TMPRSS7: variants seen among roughly 807,000 people sequenced by gnomAD.
TMPRSS7 encodes transmembrane serine protease 7, also known as transmembrane protease serine 7.
TMPRSS7 carries 81 observed loss-of-function variants against 95.6 expected under a neutral mutation model. That is an observed-to-expected ratio of 0.85 (90% CI 0.71 to 1.02). The LOEUF (loss-of-function observed/expected upper bound fraction) is 1.02. TMPRSS7 is among the 50% of genes least tolerant of loss of function. The pLI is 0.00. For synonymous variants in TMPRSS7, 364 were observed against 337.8 expected, an observed-to-expected ratio of 1.08 and a Z score of -0.85; for missense variants, 945 against 955.2, an observed-to-expected ratio of 0.99 and a Z score of 0.14.
At chr3:112,040,506 G>T (rs2107735970) in intron 2 of TMPRSS7, among the ~76,000 whole-genome samples, 1 of 152,246 alleles carries the variant, frequency 6.6e-6, no homozygotes, top group East Asian at 1.9e-4. Context: ...GAGCAGAGTG[G>T]TGAGCAAGAT....
intron 1 of TMPRSS7, among the ~76,000 whole-genome samples, chr3:112,037,516 T>C (rs1269768464): frequency 1.3e-5 from 2 of 152,206 alleles, no homozygotes; most frequent in East Asian, 3.9e-4. Context: ...TCATTAGCAA[T>C]GCTAGTTTCA....
At chr3:112,071,216 G>T (rs1053504348) in intron 13 of TMPRSS7, among the ~76,000 whole-genome samples, 4 of 152,138 alleles carry the variant, frequency 2.6e-5, no homozygotes, top group Non-Finnish European at 5.9e-5. Flanking sequence ...GCTTAGTTTG[G>T]CTGGATATGA....
chr3:112,039,068 A>G (rs1376097239), intron 2 of TMPRSS7, among the ~76,000 whole-genome samples: 1 of 152,198 alleles, frequency 6.6e-6, no homozygotes, highest in Non-Finnish European at 1.5e-5. Context: ...CATTTTGCAC[A>G]TGCATCTTTC....
At chr3:112,040,082 A>C (rs2107735729) in intron 2 of TMPRSS7, among the ~76,000 whole-genome samples, 1 of 152,014 alleles carries the variant, frequency 6.6e-6, no homozygotes, top group East Asian at 1.9e-4. Context: ...TTATGGGTAG[A>C]GAAACAGTTT....
chr3:112,064,277 C>T (rs1397166647), intron 12 of TMPRSS7, among the ~76,000 whole-genome samples: 1 of 152,208 alleles, frequency 6.6e-6, no homozygotes, highest in Admixed American at 6.5e-5. Flanking sequence ...GCTCTTTCAG[C>T]GTGCTCCTTT....
At chr3:112,048,497 C>T (rs895458635) in intron 7 of TMPRSS7, among the ~76,000 whole-genome samples, 1 of 152,136 alleles carries the variant, frequency 6.6e-6, no homozygotes, top group South Asian at 2.1e-4. Context: ...ATTACACACA[C>T]ATATACATAC....
At chr3:112,036,008 A>G in intron 1 of TMPRSS7, among the ~76,000 whole-genome samples, 1 of 152,194 alleles carries the variant, frequency 6.6e-6, no homozygotes, top group Admixed American at 6.5e-5. Context: ...CTATAAACCC[A>G]CAACCCTACA....
chr3:112,062,689 A>G (rs758223703), intron 11 of TMPRSS7, among the ~76,000 whole-genome samples: 30 of 152,224 alleles, frequency 2.0e-4, no homozygotes, highest in Non-Finnish European at 3.2e-4. Flanking sequence ...AGTCACAGGT[A>G]GATAAAGCAA....
chr3:112,074,376 G>C (rs747955696), exon 14 of TMPRSS7: 1 of 1,613,902 alleles, frequency 6.2e-7, no homozygotes, highest in Non-Finnish European at 8.5e-7. Flanking sequence ...TGATGGGACA[G>C]TGGATTGTCC....
At chr3:112,049,852 A>T in exon 8 of TMPRSS7, 1 of 1,514,338 alleles carries the variant, frequency 6.6e-7, no homozygotes, top group Non-Finnish European at 8.9e-7. Flanking sequence ...AGAATTTGTG[A>T]ACCCACAAGA....
intron 9 of TMPRSS7, among the ~76,000 whole-genome samples, chr3:112,054,682 A>G (rs1055497107): frequency 3.4e-5 from 5 of 145,210 alleles, no homozygotes; most frequent in Non-Finnish European, 7.5e-5. Context: ...TTCTTACATT[A>G]TAAGATTTAC....
intron 13 of TMPRSS7, among the ~76,000 whole-genome samples, chr3:112,070,171 G>C (rs1386702809): frequency 6.6e-6 from 1 of 152,186 alleles, no homozygotes; most frequent in African/African-American, 2.4e-5. Context: ...GATTTAATTT[G>C]ATTGCACTGT....
Position 112,080,894 on chromosome 3 carries a change from T to TA in TMPRSS7, c.2362-19dup. On this transcript the variant is annotated intron_variant, in intron 17 of 17. Transcript: ENST00000452346. ...TCATGGGACCAATTTACTTTATACT[T>TA]ACATTTTTTGTGTGTGTAGGGAGAT... The TA allele has an allele frequency of 6.2e-7, 1 of 1,602,302 alleles. No individual in the cohort carries two copies. Among genetic ancestry groups the TA allele is most frequent in the Middle Eastern group, 1.7e-4 (1 of 6,020 alleles).
At chr3:112,044,629 G>A (rs2073254308) in intron 4 of TMPRSS7, among the ~76,000 whole-genome samples, 1 of 152,144 alleles carries the variant, frequency 6.6e-6, no homozygotes, top group Non-Finnish European at 1.5e-5. Flanking sequence ...CAAAAATAAA[G>A]CACAGACCAT....
intron 13 of TMPRSS7, among the ~76,000 whole-genome samples, chr3:112,074,021 A>G (rs1032869631): frequency 6.6e-6 from 1 of 152,240 alleles, no homozygotes; most frequent in Admixed American, 6.5e-5. Context: ...GATATGTCGC[A>G]CTTCTTCATG....
chr3:112,079,882 T>C (rs1559965988), intron 17 of TMPRSS7, among the ~76,000 whole-genome samples: 1 of 152,190 alleles, frequency 6.6e-6, no homozygotes, highest in Non-Finnish European at 1.5e-5. Flanking sequence ...GTCATACAGC[T>C]AGTAAGTGTA....
chr3:112,073,696 T>C (rs1361290508), intron 13 of TMPRSS7, among the ~76,000 whole-genome samples: 1 of 152,232 alleles, frequency 6.6e-6, no homozygotes, highest in East Asian at 1.9e-4. Context: ...GGTTGCCTGT[T>C]CACTCTGATG....
intron 17 of TMPRSS7, among the ~76,000 whole-genome samples, chr3:112,079,282 A>C (rs1559965772): frequency 6.6e-6 from 1 of 152,224 alleles, no homozygotes; most frequent in East Asian, 1.9e-4. Context: ...GGTGACAAAG[A>C]ATACTCATTT....
chr3:112,071,653 T>A (rs1326471752), intron 13 of TMPRSS7, among the ~76,000 whole-genome samples: 1 of 152,226 alleles, frequency 6.6e-6, no homozygotes, highest in African/African-American at 2.4e-5. Context: ...TTCTTTTTAC[T>A]CTTTCTTCTC....
Sources: allele counts gnomAD v4.1 joint callset (sites outside exome capture counted in the v4.1 genomes callset), GRCh38; gene constraint gnomAD v4.1.1; transcripts MANE v1.5; gene names NCBI Gene and HGNC (gene_info 2026-07-23, HGNC 2026-07-21).